VGLL2: variants seen among roughly 807,000 people sequenced by gnomAD.
VGLL2 encodes the protein transcription cofactor vestigial-like protein 2.
In VGLL2, 18 loss-of-function variants were observed where a neutral mutation model predicts 27.0. The ratio of observed to expected loss-of-function variants is 0.67; its 90% CI spans 0.46 to 0.99. VGLL2 has a LOEUF of 0.99. VGLL2 is among the 50% of genes least tolerant of loss of function. VGLL2 has a pLI of 0.00. For missense variants in VGLL2, 491 were observed against 452.3 expected, an observed-to-expected ratio of 1.09 and a Z score of -0.78; for synonymous variants, 220 against 201.1, an observed-to-expected ratio of 1.09 and a Z score of -0.80.
intron 2 of VGLL2, 57 bp from the exon 3 acceptor site, chr6:117,270,486 G>A: frequency 2.0e-6 from 3 of 1,508,376 alleles, no homozygotes; most frequent in East Asian, 2.7e-5. Flanking sequence ...GAGTCCAGCC[G>A]CAGTGACACG....
rs763116086 is a variant in VGLL2 at position 117,268,209 on chromosome 6, G to A, written c.109G>A (p.Glu37Lys). Residue 37 changes from glutamate (E) to lysine (K), a missense_variant, in exon 2 of 4, where the codon GAA (glutamate) becomes AAA (lysine). Glu to Lys is a moderately conservative substitution (Grantham distance 56, BLOSUM62 1). Coordinates refer to ENST00000326274, the MANE Select transcript of VGLL2 (RefSeq NM_182645.3). The part of the protein sequence containing the change: ...QKLAYYSKMQ[E>K]AQECNASPSS... ...ACTAGCCTATTATTCCAAAATGCAG[G>A]AAGCGCAGGAGTGCAATGCCAGCCC... 5 of 1,613,926 alleles carry A rather than the reference G, an allele frequency of 3.1e-6. No individual in the cohort carries two copies. Among genetic ancestry groups the A allele is most frequent in the Non-Finnish European group, 4.2e-6 (5 of 1,179,970 alleles).
chr6:117,270,532 C>A lies in VGLL2; in HGVS notation c.392-11C>A. The A allele has an allele frequency of 1.3e-6, 2 of 1,582,242 alleles. No individual in the cohort carries two copies. The highest frequency in any genetic ancestry group is 3.5e-5 in the Admixed American group (2 of 57,518). ...CCTTTCCTCCACTCCGCCTCCCCGG[C>A]CGGCCTACAGACTGCTCCTTCCCGA... On this transcript the variant is annotated splice_polypyrimidine_tract_variant and intron_variant, in intron 2 of 3. Coordinates refer to ENST00000326274, the MANE Select transcript of VGLL2 (RefSeq NM_182645.3).
At chr6:117,270,519 T>C in intron 2 of VGLL2, 24 bp from the exon 3 acceptor site, 1 of 1,565,650 alleles carries the variant, frequency 6.4e-7, no homozygotes, top group Non-Finnish European at 8.6e-7. Flanking sequence ...TTTCCTCCAC[T>C]CCGCCTCCCC....
At chr6:117,265,879 G>T (rs745832590) in intron 1 of VGLL2, 35 bp downstream of exon 1, 2 of 1,590,078 alleles carry the variant, frequency 1.3e-6, no homozygotes, top group Non-Finnish European at 1.7e-6. Flanking sequence ...GGGAAGGAGT[G>T]CGCGCCCCCC....
chr6:117,266,086 C>T (rs1474454879), intron 1 of VGLL2, among the ~76,000 whole-genome samples: 1 of 152,226 alleles, frequency 6.6e-6, no homozygotes, highest in Non-Finnish European at 1.5e-5. Context: ...CCTAGGTCTT[C>T]CCTGGAATAA....
At position 117,268,497 on chromosome 6, in the gene VGLL2, T is replaced by C. The variant is rs1773117317; in HGVS notation, c.391+6T>C. On this transcript the variant is annotated splice_donor_region_variant and intron_variant, in intron 2 of 3. Coordinates refer to ENST00000326274, the MANE Select transcript of VGLL2 (RefSeq NM_182645.3). Reference sequence around the variant, plus strand: ...GAGCTCTGGGCCCTGGCGAGGTGAGTATAGGGCCCTGCTGGGAAGGACCCA... The same window carrying C: ...GAGCTCTGGGCCCTGGCGAGGTGAGCATAGGGCCCTGCTGGGAAGGACCCA... The C allele has an allele frequency of 1.9e-6, 3 of 1,593,516 alleles. No homozygotes were observed. The highest frequency in any genetic ancestry group is 2.6e-6 in the Non-Finnish European group (3 of 1,169,704).
chr6:117,265,991 C>A, intron 1 of VGLL2, 147 bp downstream of exon 1: 1 of 722,876 alleles, frequency 1.4e-6, no homozygotes, highest in Non-Finnish European at 2.4e-6. Context: ...ATTGCCGGAG[C>A]CGCCCCCAGT....
Position 117,265,755 on chromosome 6 carries a change from C to A in VGLL2, c.-9C>A, listed in dbSNP as rs770468809. The A allele has an allele frequency of 6.2e-7, 1 of 1,613,384 alleles. No homozygotes were observed. The highest frequency in any genetic ancestry group is 1.7e-5 in the Admixed American group (1 of 60,030). ...AAAAAACACTTAACCGTCTCCGCTG[C>A]GGAGAGTCATGAGCTGTCTGGATGT... On this transcript the variant is annotated 5_prime_UTR_variant, in exon 1 of 4. It introduces an in-frame stop codon into an upstream open reading frame of the 5' UTR. Coordinates refer to ENST00000326274, the MANE Select transcript of VGLL2 (RefSeq NM_182645.3).
chr6:117,268,083 C>T, intron 1 of VGLL2, 99 bp from the exon 2 acceptor site: 2 of 1,271,330 alleles, frequency 1.6e-6, no homozygotes, highest in East Asian at 2.3e-5. Flanking sequence ...TGCCAGTTTC[C>T]CCATAAATAC....
In VGLL2 at chr6:117,268,185, C is replaced by G; in HGVS notation, c.85C>G (p.Leu29Val). The G allele has an allele frequency of 2.5e-6, 4 of 1,613,530 alleles. No individual in the cohort carries two copies. The highest frequency in any genetic ancestry group is 3.4e-6 in the Non-Finnish European group (4 of 1,179,748). The change falls in exon 2 of 4, where the codon CTA (leucine) becomes GTA (valine). Residue 29 changes from leucine (L) to valine (V), a missense_variant. Transcript: ENST00000326274. ...TGTTCTTTCTCTCTCTGAACAGAAA[C>G]TAGCCTATTATTCCAAAATGCAGGA... is the stretch of plus-strand genomic sequence containing the variant. The part of the protein sequence containing the change: ...AAAYTPYHQK[L>V]AYYSKMQEAQ...
intron 2 of VGLL2, among the ~76,000 whole-genome samples, chr6:117,269,032 C>A (rs938458307): frequency 1.6e-4 from 24 of 152,204 alleles, no homozygotes; most frequent in Non-Finnish European, 2.6e-4. Context: ...CTAAAACCTA[C>A]CTTTGCCTTT....
At chr6:117,268,644 G>C (rs757748109) in intron 2 of VGLL2, among the ~76,000 whole-genome samples, 153 bp downstream of exon 2, 11 of 152,158 alleles carry the variant, frequency 7.2e-5, no homozygotes, top group Non-Finnish European at 1.5e-4. Flanking sequence ...AAAACGCAGG[G>C]GTAAAGGGCA....
rs1167197082 is a variant in VGLL2 at position 117,273,542 on chromosome 6, A to G, written c.*1048A>G. The stretch of plus-strand genomic sequence containing the variant: ...AGGTGATGAGGAAGAAGAGACGAAC[A>G]TTAAAGATGTCTATTTACTATGAGC... On this transcript the variant is annotated 3_prime_UTR_variant, in exon 4 of 4. Coordinates refer to ENST00000326274, the MANE Select transcript of VGLL2 (RefSeq NM_182645.3). The G allele has an allele frequency of 2.0e-5, 3 of 152,264 alleles. No homozygotes were observed. The highest frequency in any genetic ancestry group is 7.2e-5 in the African/African-American group (3 of 41,464). The allele number at this position is 152,264 out of a possible 1,614,324, so 9.4% of individuals were successfully genotyped here. A position where few individuals can be genotyped will look rare whatever the true frequency, so the allele number is the denominator to read the frequency against.
At chr6:117,267,270 A>G (rs1037320677) in intron 1 of VGLL2, among the ~76,000 whole-genome samples, 6 of 152,164 alleles carry the variant, frequency 3.9e-5, no homozygotes, top group African/African-American at 1.4e-4. Flanking sequence ...CACTTCATTC[A>G]GTCCATTGCT....
rs1350581925 is a variant in VGLL2, at chr6:117,273,355, G to A, written c.*861G>A. 1 of 152,128 alleles carries A rather than the reference G, an allele frequency of 6.6e-6. No homozygotes were observed. Among genetic ancestry groups the A allele is most frequent in the African/African-American group, 2.4e-5 (1 of 41,418 alleles). The allele number at this position is 152,128 out of a possible 1,614,324, so 9.4% of individuals were successfully genotyped here. On this transcript the variant is annotated 3_prime_UTR_variant, in exon 4 of 4. Coordinates refer to ENST00000326274, the MANE Select transcript of VGLL2 (RefSeq NM_182645.3). ...CCTCTGGATGTAAAAAGCAAGGAGA[G>A]ACCCCAACTGTCTCCATGGAGAAGA...
rs1311904977 is a variant in VGLL2 at position 117,268,213 on chromosome 6, C to T, written c.113C>T (p.Ala38Val). The T allele has an allele frequency of 2.5e-6, 4 of 1,614,164 alleles. No homozygotes were observed. The highest frequency in any genetic ancestry group is 2.2e-5 in the East Asian group (1 of 44,884). The stretch of plus-strand genomic sequence containing the variant: ...GCCTATTATTCCAAAATGCAGGAAG[C>T]GCAGGAGTGCAATGCCAGCCCCAGC... ...KLAYYSKMQE[A>V]QECNASPSSS... The change falls in exon 2 of 4, where the codon GCG becomes GTG. Residue 38 changes from alanine to valine, a missense_variant. Ala to Val is a moderately conservative substitution (Grantham distance 64). Transcript: ENST00000326274.
chr6:117,270,685 G>T lies in VGLL2; in HGVS notation c.534G>T (p.Ser178=), dbSNP rs775344391. The part of the protein sequence containing the change: ...ELPFAAADPY[S]PAALHGHLHQ... ...CCTTCGCCGCCGCCGACCCCTACTCGCCCGCCGCGCTGCATGGCCACCTGC... is the reference window on the plus strand; with the variant it reads ...CCTTCGCCGCCGCCGACCCCTACTCTCCCGCCGCGCTGCATGGCCACCTGC... The change falls in exon 3 of 4, where the codon TCG becomes TCT. Residue 178 remains serine, a synonymous_variant. Transcript: ENST00000326274. 18 of 1,542,554 alleles carry T rather than the reference G, an allele frequency of 1.2e-5. No individual in the cohort carries two copies. In the East Asian group the frequency reaches 3.5e-4, roughly 30 times the overall value.
At chr6:117,267,668 T>G (rs706953) in intron 1 of VGLL2, among the ~76,000 whole-genome samples, 52,309 of 152,128 alleles carry the variant, frequency 0.34, 10,375 homozygotes, top group African/African-American at 0.55. Context: ...ATTCCTAGTT[T>G]CAGGGAGTGG....
chr6:117,267,224 C>T (rs1468484489), intron 1 of VGLL2, among the ~76,000 whole-genome samples: 1 of 152,176 alleles, frequency 6.6e-6, no homozygotes. Context: ...CTCGGGCCGC[C>T]TCTTCAAGGC....
Sources: gnomAD v4.1 joint callset for allele counts (sites outside exome capture counted in the v4.1 genomes callset) on GRCh38, gnomAD v4.1.1 for gene constraint, MANE v1.5 for transcripts, NCBI Gene and HGNC (gene_info 2026-07-23, HGNC 2026-07-21) for gene names.